SAE1: variants seen among roughly 807,000 people sequenced by gnomAD.
SAE1 encodes SUMO1 activating enzyme subunit 1.
In SAE1, 11 loss-of-function variants were observed where a neutral mutation model predicts 40.6. That is an observed-to-expected ratio of 0.27 (90% CI 0.17 to 0.45). SAE1 has a LOEUF of 0.45. Ranked by LOEUF, SAE1 falls within the 20% of genes least tolerant of loss-of-function variation. The pLI is 1.00. For missense variants in SAE1, 373 were observed against 427.3 expected, an observed-to-expected ratio of 0.87 and a Z score of 1.12; for synonymous variants, 155 against 154.3, an observed-to-expected ratio of 1.00 and a Z score of -0.03.
At chr19:47,189,022 AG>A (rs1259371912) in intron 6 of SAE1, among the ~76,000 whole-genome samples, 1 of 152,178 alleles carries the variant, frequency 6.6e-6, no homozygotes, top group Non-Finnish European at 1.5e-5. Context: ...ATGCTGTGAG[AG>A]GGTAGACCAT....
chr19:47,202,884 T>C (rs531686843), intron 7 of SAE1, among the ~76,000 whole-genome samples: 2 of 152,244 alleles, frequency 1.3e-5, no homozygotes, highest in Non-Finnish European at 2.9e-5. Flanking sequence ...CACTCCAGCC[T>C]GGGTGACAGA....
At chr19:47,182,404 T>G (rs931422378) in intron 6 of SAE1, among the ~76,000 whole-genome samples, 2 of 151,892 alleles carry the variant, frequency 1.3e-5, no homozygotes, top group Non-Finnish European at 1.5e-5. Flanking sequence ...GCTTGTTGAT[T>G]TGCTGCTGTC....
chr19:47,157,756 T>G (rs892318212), intron 5 of SAE1, among the ~76,000 whole-genome samples: 32 of 152,212 alleles, frequency 2.1e-4, no homozygotes, highest in Admixed American at 2.1e-3. Flanking sequence ...CTGACATTGT[T>G]AGTCAGCTGT....
intron 5 of SAE1, among the ~76,000 whole-genome samples, chr19:47,162,991 CA>C (rs903868546): frequency 9.3e-5 from 14 of 151,048 alleles, no homozygotes; most frequent in African/African-American, 3.2e-4. Flanking sequence ...CACACTGTCT[CA>C]AAAAAAAATT....
rs2058245426 is a variant in SAE1 at position 47,144,852 on chromosome 19, A to G, written c.210+1247A>G. The stretch of plus-strand genomic sequence containing the variant: ...GTTTGTTTGTTTGTGTGTTTTTGCG[A>G]GACGAGTCTTGCTGTGATGCCCAGA... On this transcript the variant is annotated intron_variant, in intron 2 of 8. Transcript: ENST00000270225. Among the ~76,000 whole-genome samples the G allele has an allele frequency of 2.0e-5, 3 of 152,300 alleles. No individual in the cohort carries two copies. In the South Asian group the frequency reaches 6.2e-4, roughly 32 times the overall value.
chr19:47,160,346 C>T (rs2058352025), intron 5 of SAE1, among the ~76,000 whole-genome samples: 1 of 149,578 alleles, frequency 6.7e-6, no homozygotes, highest in African/African-American at 2.5e-5. Flanking sequence ...GTTAGCCTTC[C>T]GAGTAGCTGG....
chr19:47,186,322 G>A (rs544497353), intron 6 of SAE1, among the ~76,000 whole-genome samples: 76 of 151,716 alleles, frequency 5.0e-4, no homozygotes, highest in African/African-American at 1.8e-3. Context: ...TGCTCTATTG[G>A]TAAGTACAAT....
chr19:47,131,327 G>T (rs1200247296), intron 1 of SAE1, among the ~76,000 whole-genome samples: 1 of 152,118 alleles, frequency 6.6e-6, no homozygotes, highest in Admixed American at 6.6e-5. Context: ...AGCGGTGATT[G>T]TGGGGTTTGA....
intron 5 of SAE1, among the ~76,000 whole-genome samples, chr19:47,167,259 C>T (rs575926155): frequency 3.4e-5 from 5 of 148,722 alleles, no homozygotes; most frequent in African/African-American, 1.2e-4. Flanking sequence ...CGGCCTGCGC[C>T]CAGATAATTT....
intron 6 of SAE1, among the ~76,000 whole-genome samples, chr19:47,179,083 T>C (rs1392509148): frequency 6.6e-6 from 1 of 151,268 alleles, no homozygotes; most frequent in South Asian, 2.1e-4. Context: ...TCTCAGCTAC[T>C]TGGGAGGCTG....
At chr19:47,131,194 A>T in intron 1 of SAE1, 166 bp downstream of exon 1, 1 of 1,376,586 alleles carries the variant, frequency 7.3e-7, no homozygotes, top group Non-Finnish European at 9.3e-7. Flanking sequence ...TTGATTGGGG[A>T]TGTTTCTGGA....
intron 1 of SAE1, among the ~76,000 whole-genome samples, chr19:47,138,424 A>G (rs1169196335): frequency 1.3e-5 from 2 of 152,250 alleles, no homozygotes; most frequent in Non-Finnish European, 2.9e-5. Flanking sequence ...TGTCATGGGA[A>G]TTAAATGACA....
chr19:47,177,150 C>A (rs2058474356), intron 6 of SAE1, among the ~76,000 whole-genome samples: 1 of 152,168 alleles, frequency 6.6e-6, no homozygotes, highest in African/African-American at 2.4e-5. Context: ...CATCTTTGAG[C>A]CACAGAATTG....
At chr19:47,206,535 C>A (rs1041896817) in intron 8 of SAE1, among the ~76,000 whole-genome samples, 10 of 152,324 alleles carry the variant, frequency 6.6e-5, no homozygotes, top group Admixed American at 3.9e-4. Flanking sequence ...ATATCCATGT[C>A]TACTTCCTTG....
chr19:47,168,211 A>G (rs2058407084), intron 5 of SAE1, among the ~76,000 whole-genome samples: 1 of 152,034 alleles, frequency 6.6e-6, no homozygotes. Flanking sequence ...AATGTTTAAA[A>G]CAAAAAACTG....
chr19:47,182,462 G>A (rs1046360474), intron 6 of SAE1, among the ~76,000 whole-genome samples: 4 of 114,680 alleles, frequency 3.5e-5, no homozygotes, highest in Admixed American at 9.6e-5. Context: ...AGAAAAAAGC[G>A]TAGTGTGTGT....
chr19:47,208,818 A>G (rs2058698673), intron 8 of SAE1, among the ~76,000 whole-genome samples: 1 of 152,146 alleles, frequency 6.6e-6, no homozygotes, highest in South Asian at 2.1e-4. Context: ...CAGCCTCCCA[A>G]AGTGCTGGGA....
intron 6 of SAE1, among the ~76,000 whole-genome samples, chr19:47,175,107 A>ATTTTTT (rs916783073): frequency 2.2e-4 from 20 of 91,704 alleles, no homozygotes; most frequent in Non-Finnish European, 3.1e-4. Flanking sequence ...AGTGGCCTTG[A>ATTTTTT]TTTTTTTTTT....
At chr19:47,156,778 G>T (rs2058327152) in intron 5 of SAE1, among the ~76,000 whole-genome samples, 1 of 152,096 alleles carries the variant, frequency 6.6e-6, no homozygotes, top group Admixed American at 6.6e-5. Context: ...TTTATATTAG[G>T]GGCTCAGCCT....
Sources: gnomAD v4.1 joint callset for allele counts (sites outside exome capture counted in the v4.1 genomes callset) on GRCh38, gnomAD v4.1.1 for gene constraint, MANE v1.5 for transcripts, NCBI Gene and HGNC (gene_info 2026-07-23, HGNC 2026-07-21) for gene names.